SCOC: variants seen among roughly 807,000 people sequenced by gnomAD.
SCOC encodes short coiled-coil protein, also known as short coiled coil protein.
SCOC carries 7 observed loss-of-function variants against 9.9 expected under a neutral mutation model. The observed-to-expected ratio is 0.71, with a 90% CI of 0.40 to 1.33. The LOEUF (loss-of-function observed/expected upper bound fraction) is 1.33. Ranked by LOEUF, SCOC falls within the 40% of genes most tolerant of loss-of-function variation. The probability of loss-of-function intolerance (pLI) is 0.01; values close to 1 mark genes in which losing one functional copy is unlikely to be tolerated. For missense variants in SCOC, 66 were observed against 89.7 expected, an observed-to-expected ratio of 0.74 and a Z score of 1.07; for synonymous variants, 19 against 28.2, an observed-to-expected ratio of 0.67 and a Z score of 1.03.
chr4:140,319,160 T>TGGCTCACTGCAACCTC (rs1732421500), intron 1 of SCOC, among the ~76,000 whole-genome samples: 1 of 152,102 alleles, frequency 6.6e-6, no homozygotes, highest in South Asian at 2.1e-4. Context: ...CACACAACCT[T>TGGCTCACTGCAACCTC]GGCTCACTGC....
intron 2 of SCOC, among the ~76,000 whole-genome samples, chr4:140,362,299 C>CTTCTTCTTCTTCTTCTTTTTTT: frequency 2.6e-5 from 1 of 38,346 alleles, no homozygotes; most frequent in African/African-American, 7.5e-5. Context: ...TCTTCTTCTT[C>CTTCTTCTTCTTCTTCTTTTTTT]TTTTTTTTTT....
rs1375534810 is a variant in SCOC, at chr4:140,347,318, A to T, written c.70+3610A>T. Among the ~76,000 whole-genome samples, 5 of 152,276 alleles carry T rather than the reference A, an allele frequency of 3.3e-5. No homozygotes were observed. The East Asian group carries it at 9.6e-4, about 29-fold the overall frequency. On this transcript the variant is annotated intron_variant, in intron 2 of 4. Transcript: ENST00000338517. ...CACCAAGGGCACCATAAACTAAGAT[A>T]GTTTAGGAATCTATGGTCTCAACTG...
chr4:140,296,080 T>A (rs1184065054), intron 1 of SCOC, among the ~76,000 whole-genome samples: 1 of 152,080 alleles, frequency 6.6e-6, no homozygotes, highest in Non-Finnish European at 1.5e-5. Flanking sequence ...AAAAGTTCCC[T>A]GGATGATTGT....
intron 1 of SCOC, chr4:140,285,281 A>G (rs1271264928): frequency 4.4e-6 from 2 of 456,756 alleles, no homozygotes; most frequent in Non-Finnish European, 8.8e-6. Context: ...TAAGGAGCCA[A>G]AAGAGAGAAG....
intron 1 of SCOC, among the ~76,000 whole-genome samples, chr4:140,283,236 C>T (rs1731138811): frequency 6.6e-6 from 1 of 152,082 alleles, no homozygotes; most frequent in South Asian, 2.1e-4. Flanking sequence ...TTTTCTATAC[C>T]TTATAAAAAT....
upstream of SCOC, among the ~76,000 whole-genome samples, chr4:140,341,262 C>T (rs921821184): frequency 1.3e-5 from 2 of 152,044 alleles, no homozygotes; most frequent in East Asian, 3.8e-4. Context: ...AGCAAATACA[C>T]CCTTTGGTTT....
intron 1 of SCOC, among the ~76,000 whole-genome samples, chr4:140,273,472 T>A (rs936894318): frequency 1.3e-5 from 2 of 152,142 alleles, no homozygotes; most frequent in Non-Finnish European, 2.9e-5. Flanking sequence ...GTATTTGGCC[T>A]AATTTTCTCC....
intron 1 of SCOC, among the ~76,000 whole-genome samples, chr4:140,338,014 AAT>A (rs1309228801): frequency 5.9e-5 from 9 of 152,246 alleles, no homozygotes; most frequent in Admixed American, 5.9e-4. Flanking sequence ...ATTTTAGACC[AAT>A]ATCCCTGATG....
At chr4:140,340,801 T>TTTTTTTTTTTTTTTTTTTTTG (rs1726486041), upstream of SCOC, among the ~76,000 whole-genome samples, 1 of 109,446 alleles carries the variant, frequency 9.1e-6, no homozygotes, top group African/African-American at 3.2e-5. Flanking sequence ...TTTTTTTTTT[T>TTTTTTTTTTTTTTTTTTTTTG]TTTTTTTAGA....
chr4:140,293,561 T>C, intron 1 of SCOC: 1 of 368,678 alleles, frequency 2.7e-6, no homozygotes, highest in South Asian at 2.0e-5. Flanking sequence ...AGTGCAGTTT[T>C]AGGTAAGTCT....
intron 1 of SCOC, among the ~76,000 whole-genome samples, chr4:140,295,670 G>C (rs999045809): frequency 6.6e-6 from 1 of 152,160 alleles, no homozygotes; most frequent in African/African-American, 2.4e-5. Flanking sequence ...CGAAGGGCGC[G>C]GTGGCTCACG....
At position 140,380,983 on chromosome 4, in the gene SCOC, C is replaced by T. The variant is rs1728553356; in HGVS notation, c.128C>T (p.Ala43Val). The T allele has an allele frequency of 6.3e-7, 1 of 1,597,106 alleles. No individual in the cohort carries two copies. Among genetic ancestry groups the T allele is most frequent in the Admixed American group, 1.8e-5 (1 of 55,982 alleles). The change falls in exon 4 of 4, where the codon GCA becomes GTA. Residue 43 changes from alanine to valine, a missense_variant. Coordinates refer to ENST00000608372, the MANE Select transcript of SCOC (RefSeq NM_001153484.2). ...TLEDLSARVDAVKEENLKLKS... is the reference protein window; with the variant it reads ...TLEDLSARVDVVKEENLKLKS... ...ATAGATCTCTCTGCAAGAGTAGATG[C>T]AGTTAAGGAAGAAAATCTGAAGCTA...
At chr4:140,330,004 G>T (rs531457240) in intron 1 of SCOC, among the ~76,000 whole-genome samples, 2 of 152,112 alleles carry the variant, frequency 1.3e-5, no homozygotes, top group Non-Finnish European at 2.9e-5. Flanking sequence ...ACTTGCACAC[G>T]CATGTTTATA....
chr4:140,378,384 A>T (rs945885911), intron 1 of SCOC, among the ~76,000 whole-genome samples: 7 of 152,052 alleles, frequency 4.6e-5, no homozygotes, highest in Non-Finnish European at 1.0e-4. Context: ...TATATATTTC[A>T]CATAATTTAC....
At chr4:140,330,589 C>A (rs1732790736) in intron 1 of SCOC, among the ~76,000 whole-genome samples, 1 of 152,148 alleles carries the variant, frequency 6.6e-6, no homozygotes, top group South Asian at 2.1e-4. Context: ...ACAAGGGCTG[C>A]AGAGTTGAGA....
intron 1 of SCOC, chr4:140,374,251 G>T (rs909672704): frequency 2.3e-6 from 1 of 438,024 alleles, no homozygotes; most frequent in Non-Finnish European, 4.6e-6. Flanking sequence ...TTCTCCCCCA[G>T]AGTCCTGCTG....
intron 1 of SCOC, among the ~76,000 whole-genome samples, chr4:140,297,355 A>G (rs1047759114): frequency 9.9e-5 from 15 of 152,074 alleles, no homozygotes; most frequent in Admixed American, 8.5e-4. Flanking sequence ...GCACCTCCCC[A>G]GGAAGGGCGG....
chr4:140,306,930 T>C (rs1285868191), intron 1 of SCOC, among the ~76,000 whole-genome samples: 1 of 152,228 alleles, frequency 6.6e-6, no homozygotes, highest in Non-Finnish European at 1.5e-5. Context: ...TTCTTCTTAG[T>C]GACTGCTGTG....
intron 1 of SCOC, among the ~76,000 whole-genome samples, chr4:140,322,655 A>G (rs1002977190): frequency 6.6e-6 from 1 of 152,206 alleles, no homozygotes; most frequent in Non-Finnish European, 1.5e-5. Context: ...GCTTCTCTTA[A>G]TTGCTTATAG....
Sources: allele counts gnomAD v4.1 joint callset (sites outside exome capture counted in the v4.1 genomes callset), GRCh38; gene constraint gnomAD v4.1.1; transcripts MANE v1.5; gene names NCBI Gene and HGNC (gene_info 2026-07-23, HGNC 2026-07-21).